Variants in ADAMTS6 observed in about 807,000 individuals in gnomAD.
The protein encoded by ADAMTS6 is ADAM metallopeptidase with thrombospondin type 1 motif 6.
In ADAMTS6, 23 loss-of-function variants were observed where a neutral mutation model predicts 144.3. The ratio of observed to expected loss-of-function variants is 0.16; its 90% confidence interval spans 0.11 to 0.23. The LOEUF is 0.23. ADAMTS6 is among the 10% of genes least tolerant of loss of function. ADAMTS6 has a pLI of 1.00. For missense variants in ADAMTS6, 999 were observed against 1,379.6 expected, an observed-to-expected ratio of 0.72 and a Z score of 4.37; for synonymous variants, 444 against 457.5, an observed-to-expected ratio of 0.97 and a Z score of 0.38.
chr5:65,431,062 A>C (rs558464873), intron 7 of ADAMTS6, among the ~76,000 whole-genome samples: 1 of 152,288 alleles, frequency 6.6e-6, no homozygotes, highest in African/African-American at 2.4e-5. Flanking sequence ...GCACTCAGTA[A>C]ATGTTTGTTG....
chr5:65,352,735 T>C (rs1390715791), intron 7 of ADAMTS6, among the ~76,000 whole-genome samples: 1 of 152,108 alleles, frequency 6.6e-6, no homozygotes. Context: ...AATCCAGTTG[T>C]GTACATACCT....
chr5:65,430,785 A>T (rs987419024), intron 7 of ADAMTS6, among the ~76,000 whole-genome samples: 3 of 151,700 alleles, frequency 2.0e-5, no homozygotes, highest in African/African-American at 7.2e-5. Flanking sequence ...TCATTTACAC[A>T]TGTTTTTTTC....
chr5:65,366,238 T>G (rs1479547292), intron 7 of ADAMTS6, among the ~76,000 whole-genome samples: 3 of 152,168 alleles, frequency 2.0e-5, no homozygotes, highest in Non-Finnish European at 2.9e-5. Context: ...GTAAAAATTA[T>G]GCTTCAGAGA....
chr5:65,170,492 G>A, intron 24 of ADAMTS6, 125 bp downstream of exon 24: 1 of 1,084,666 alleles, frequency 9.2e-7, no homozygotes, highest in Non-Finnish European at 1.3e-6. Context: ...CTGCATATAA[G>A]CAGCTTTCAC....
intron 8 of ADAMTS6, 123 bp downstream of exon 8, chr5:65,333,919 G>A: frequency 3.7e-6 from 4 of 1,078,076 alleles, no homozygotes; most frequent in Non-Finnish European, 4.7e-6. Flanking sequence ...CAGATGTACA[G>A]AAAGGAAAAT....
chr5:65,333,483 G>T (rs1480398130), intron 8 of ADAMTS6, among the ~76,000 whole-genome samples: 1 of 151,746 alleles, frequency 6.6e-6, no homozygotes, highest in Non-Finnish European at 1.5e-5. Context: ...ATTATTTTTT[G>T]TTGTTGTTGT....
intron 15 of ADAMTS6, among the ~76,000 whole-genome samples, chr5:65,235,547 A>G (rs1465277121): frequency 6.6e-6 from 1 of 152,162 alleles, no homozygotes; most frequent in Non-Finnish European, 1.5e-5. Context: ...GGCACAATCT[A>G]ATCAGCTGCT....
intron 7 of ADAMTS6, among the ~76,000 whole-genome samples, chr5:65,445,584 C>T (rs907479672): frequency 1.3e-5 from 2 of 152,156 alleles, no homozygotes; most frequent in African/African-American, 4.8e-5. Context: ...TCAAGTATTC[C>T]TCCCACCTCA....
At chr5:65,296,460 C>T (rs1742846695) in intron 10 of ADAMTS6, among the ~76,000 whole-genome samples, 1 of 152,122 alleles carries the variant, frequency 6.6e-6, no homozygotes, top group Non-Finnish European at 1.5e-5. Flanking sequence ...GTAATTATGA[C>T]TTATCAAAGT....
intron 7 of ADAMTS6, among the ~76,000 whole-genome samples, chr5:65,382,155 G>A (rs1401907818): frequency 2.0e-5 from 3 of 152,124 alleles, no homozygotes; most frequent in East Asian, 1.9e-4. Flanking sequence ...AGGAAACTCC[G>A]TAACTCTTGG....
At position 65,433,654 on chromosome 5, in the gene ADAMTS6, A is replaced by G. The variant is rs137985496; in HGVS notation, c.1073+17821T>C. Among the ~76,000 whole-genome samples, 683 of 152,314 alleles carry G rather than the reference A, an allele frequency of 4.5e-3. 5 individuals carry two copies. Among genetic ancestry groups the G allele is most frequent in the African/African-American group, 0.015 (626 of 41,568 alleles). On this transcript the variant is annotated intron_variant, in intron 7 of 24. Coordinates refer to ENST00000381055, the MANE Select transcript of ADAMTS6 (RefSeq NM_197941.4). ...CAATGAATAAATTTTAAAATGCTCAATATAACTAGCTATCAGTGAGCTGCA... is the reference window on the plus strand; with the variant it reads ...CAATGAATAAATTTTAAAATGCTCAGTATAACTAGCTATCAGTGAGCTGCA...
intron 7 of ADAMTS6, among the ~76,000 whole-genome samples, chr5:65,411,931 T>G (rs1460055275): frequency 6.6e-6 from 1 of 152,160 alleles, no homozygotes; most frequent in Non-Finnish European, 1.5e-5. Context: ...TTCTACCAAG[T>G]CAATTAGTCC....
At chr5:65,263,538 A>G (rs569830781) in intron 12 of ADAMTS6, among the ~76,000 whole-genome samples, 1 of 152,246 alleles carries the variant, frequency 6.6e-6, no homozygotes, top group Admixed American at 6.5e-5. Flanking sequence ...CTGGGTACAA[A>G]AAAACCCTTG....
chr5:65,437,513 C>A (rs1481356761), intron 7 of ADAMTS6, among the ~76,000 whole-genome samples: 1 of 152,102 alleles, frequency 6.6e-6, no homozygotes, highest in Admixed American at 6.5e-5. Context: ...CCTCCCACAA[C>A]AGGTGGGAAT....
At chr5:65,316,507 A>G (rs1015226256) in intron 9 of ADAMTS6, among the ~76,000 whole-genome samples, 24 of 152,316 alleles carry the variant, frequency 1.6e-4, no homozygotes, top group South Asian at 4.1e-4. Context: ...CATTGTATAT[A>G]TAAGTGAAAG....
chr5:65,266,053 G>A (rs1761604586), intron 12 of ADAMTS6, among the ~76,000 whole-genome samples: 1 of 151,584 alleles, frequency 6.6e-6, no homozygotes, highest in African/African-American at 2.4e-5. Flanking sequence ...ATATACCTAT[G>A]ATTTGTAGAG....
chr5:65,405,975 G>T (rs904143348), intron 7 of ADAMTS6, among the ~76,000 whole-genome samples: 2 of 152,184 alleles, frequency 1.3e-5, no homozygotes, highest in South Asian at 4.1e-4. Context: ...AAGAATGCTT[G>T]TGATTTTTAC....
intron 14 of ADAMTS6, among the ~76,000 whole-genome samples, chr5:65,252,971 T>G (rs1449605795): frequency 6.6e-6 from 1 of 152,118 alleles, no homozygotes; most frequent in Non-Finnish European, 1.5e-5. Flanking sequence ...TACTGTAGCC[T>G]CAACCTCCCG....
intron 20 of ADAMTS6, among the ~76,000 whole-genome samples, chr5:65,206,838 TCACACACACA>T (rs147509641): frequency 0.02 from 2,850 of 145,114 alleles, 46 homozygotes; most frequent in Middle Eastern, 0.034. Context: ...TCTCTCTCTC[TCACACACACA>T]CACACACACA....
Sources: gnomAD v4.1 joint callset for allele counts (sites outside exome capture counted in the v4.1 genomes callset) on GRCh38, gnomAD v4.1.1 for gene constraint, MANE v1.5 for transcripts, NCBI Gene and HGNC (gene_info 2026-07-23, HGNC 2026-07-21) for gene names.